Variants in LRRC45 observed in about 807,000 individuals in gnomAD.
LRRC45 encodes the protein leucine rich repeat containing 45, also known as leucine-rich repeat-containing protein 45.
Under a neutral mutation model 85.4 loss-of-function variants are expected in LRRC45, and 73 were observed. The ratio of observed to expected loss-of-function variants is 0.85; its 90% confidence interval spans 0.71 to 1.04. The LOEUF (loss-of-function observed/expected upper bound fraction) is 1.04. Among genes scored for constraint, LRRC45 ranks in the 50% least tolerant of loss-of-function variants. The pLI, the probability that LRRC45 is intolerant of heterozygous loss-of-function variation, is 0.00. For synonymous variants in LRRC45, 429 were observed against 386.0 expected (o/e 1.11, Z -1.31); for missense variants, 937 against 883.3 (o/e 1.06, Z -0.77).
Position 82,025,012 on chromosome 17 carries a change from G to A in LRRC45, c.366G>A (p.Glu122=). Residue 122 remains glutamate, a synonymous_variant, in exon 4 of 17, where the codon GAG becomes GAA. Transcript: ENST00000306688. ...QNKSIQSLTL[E]WNSLGTWDDA... is the part of the protein sequence containing the mutation. ...GCCCCTCCTGCAGCCTCACGCTGGAGTGGAACAGCCTGGGCACGTGGGACG... is the reference window on the plus strand; with the variant it reads ...GCCCCTCCTGCAGCCTCACGCTGGAATGGAACAGCCTGGGCACGTGGGACG... The A allele has an allele frequency of 6.3e-7, 1 of 1,589,334 alleles. No individual in the cohort carries two copies. The highest frequency in any genetic ancestry group is 8.6e-7 in the Non-Finnish European group (1 of 1,167,344).
Position 82,028,417 on chromosome 17 carries a change from G to A in LRRC45, c.1146G>A (p.Lys382=), listed in dbSNP as rs1460083827. The part of the protein sequence containing the change: ...LQNQVDELER[K]FRCQQEQLFQ... Reference sequence around the variant, plus strand: ...TTCAGGTAGACGAGTTGGAGCGGAAGTTCAGGTGTCAGCAGGAGCAGCTGT... The same window carrying A: ...TTCAGGTAGACGAGTTGGAGCGGAAATTCAGGTGTCAGCAGGAGCAGCTGT... The change falls in exon 11 of 17, where the codon AAG becomes AAA. Residue 382 remains lysine (K), a synonymous_variant. Coordinates refer to ENST00000306688, the MANE Select transcript of LRRC45 (RefSeq NM_144999.4). The A allele has an allele frequency of 6.2e-7, 1 of 1,612,768 alleles. No homozygotes were observed. The highest frequency in any genetic ancestry group is 1.7e-5 in the Admixed American group (1 of 60,012).
Position 82,025,051 on chromosome 17 carries a change from C to A in LRRC45, c.405C>A (p.Thr135=). 1 of 1,608,154 alleles carries A rather than the reference C, an allele frequency of 6.2e-7. No homozygotes were observed. Among genetic ancestry groups the A allele is most frequent in the East Asian group, 2.2e-5 (1 of 44,690 alleles). The change falls in exon 4 of 17, where the codon ACC becomes ACA. Residue 135 remains threonine (T), a synonymous_variant. Transcript: ENST00000306688. ...GCACGTGGGACGATGCCTTCGCCAC[C>A]TTCTGCGGGGGCCTGGCGGCCAACG... is the stretch of plus-strand genomic sequence containing the variant. The part of the protein sequence containing the change: ...SLGTWDDAFA[T]FCGGLAANGA...
chr17:82,030,281 C>A, intron 15 of LRRC45, 38 bp from the exon 16 acceptor site: 1 of 1,541,272 alleles, frequency 6.5e-7, no homozygotes. Flanking sequence ...TGCTAGCCCC[C>A]AACCCTCGCC....
intron 8 of LRRC45, 57 bp from the exon 9 acceptor site, chr17:82,027,954 T>C: frequency 1.3e-6 from 2 of 1,553,278 alleles, no homozygotes; most frequent in Non-Finnish European, 8.7e-7. Flanking sequence ...CAGCGAGGCC[T>C]TTATAAGGCA....
chr17:82,025,383 G>A lies in LRRC45; in HGVS notation c.537G>A (p.Leu179=). 6.3e-7 allele frequency: 1 copy of A among 1,582,668 alleles called. No homozygotes were observed. Among genetic ancestry groups the A allele is most frequent in the Non-Finnish European group, 8.6e-7 (1 of 1,163,314 alleles). The change falls in exon 5 of 17, where the codon CTG becomes CTA. Residue 179 remains leucine, a synonymous_variant. Coordinates refer to ENST00000306688, the MANE Select transcript of LRRC45 (RefSeq NM_144999.4). The part of the protein sequence containing the change: ...KGNTTLQQLD[L]RWNNVGLLGG... ...TGACTACAGGTTTCCTTCCAGACCT[G>A]CGCTGGAATAACGTTGGCCTCCTGG... is the stretch of plus-strand genomic sequence containing the variant.
chr17:82,026,035 G>C (rs773661026), intron 5 of LRRC45, among the ~76,000 whole-genome samples: 1 of 152,132 alleles, frequency 6.6e-6, no homozygotes, highest in Non-Finnish European at 1.5e-5. Context: ...CAGGCCCCCC[G>C]TACTCCCTAA....
chr17:82,027,947 C>G, intron 8 of LRRC45, 64 bp from the exon 9 acceptor site: 16 of 1,546,476 alleles, frequency 1.0e-5, no homozygotes, highest in Admixed American at 1.9e-5. Context: ...GTGAAAGCAG[C>G]GAGGCCTTTA....
At position 82,029,597 on chromosome 17, in the gene LRRC45, G is replaced by A. The variant is rs1350622675; in HGVS notation, c.1456G>A (p.Glu486Lys). Residue 486 changes from glutamate to lysine, a missense_variant, in exon 14 of 17, where the codon GAG becomes AAG. Transcript: ENST00000306688. Reference sequence around the variant, plus strand: ...CAGCGAGCGTGGCCAGGCTGAGGAGGAGCTGATCAAGGCCAAGAGCCAGGC... The same window carrying A: ...CAGCGAGCGTGGCCAGGCTGAGGAGAAGCTGATCAAGGCCAAGAGCCAGGC... The part of the protein sequence containing the change: ...ALSERGQAEE[E>K]LIKAKSQARL... 1.3e-6 allele frequency: 2 copies of A among 1,581,170 alleles called. No homozygotes were observed. Among genetic ancestry groups the A allele is most frequent in the Admixed American group, 1.8e-5 (1 of 55,872 alleles).
At position 82,029,191 on chromosome 17, in the gene LRRC45, T is replaced by C; in HGVS notation, c.1401+6T>C. ...CGCGGCTGTCCCTGGAGGAGGTGAG[T>C]GCCCACCAGGCAGGGCCAAGCTCTG... On this transcript the variant is annotated splice_donor_region_variant and intron_variant, in intron 13 of 16. Transcript: ENST00000306688. 1.9e-6 allele frequency: 3 copies of C among 1,607,800 alleles called. No homozygotes were observed. Among genetic ancestry groups the C allele is most frequent in the Non-Finnish European group, 2.5e-6 (3 of 1,178,534 alleles).
In LRRC45 at chr17:82,025,198, C is replaced by T; in HGVS notation, c.532+20C>T. The T allele has an allele frequency of 6.4e-7, 1 of 1,568,916 alleles. No homozygotes were observed. ...AGCTGGGTGAGGCCTCCCAGGCGCC[C>T]TCAGGCTCCCTCATCCCTCTGAGGC... On this transcript the variant is annotated intron_variant, in intron 4 of 16. Transcript: ENST00000306688.
chr17:82,030,504 G>A (rs2043409442), intron 16 of LRRC45, 38 bp downstream of exon 16: 4 of 1,529,554 alleles, frequency 2.6e-6, no homozygotes, highest in Non-Finnish European at 3.5e-6. Flanking sequence ...CCCACTGGTG[G>A]GACGTGAGGC....
At chr17:82,029,747 A>G in intron 14 of LRRC45, 112 bp downstream of exon 14, 1 of 1,047,596 alleles carries the variant, frequency 9.5e-7, no homozygotes, top group South Asian at 1.5e-5. Flanking sequence ...TGTGGTGTTG[A>G]GGTCAGATGA....
At chr17:82,026,107 C>G (rs1371211549) in intron 5 of LRRC45, among the ~76,000 whole-genome samples, 1 of 152,220 alleles carries the variant, frequency 6.6e-6, no homozygotes, top group African/African-American at 2.4e-5. Flanking sequence ...CCTGCTGGTT[C>G]TGCCTGGCCT....
chr17:82,023,534 C>T lies in LRRC45; in HGVS notation c.-110C>T, dbSNP rs2043332927. The T allele has an allele frequency of 1.0e-6, 1 of 973,968 alleles. No homozygotes were observed. The highest frequency in any genetic ancestry group is 2.8e-5 in the East Asian group (1 of 35,128). 60.3% of individuals were successfully genotyped at this position (973,968 alleles called of 1,614,324 possible). A position where few individuals can be genotyped will look rare whatever the true frequency, so the allele number is the denominator to read the frequency against. ...CACTCGGATTGCTCTCCGCCCGGGTCGGCGGAGGCCCCGTCTCCTGTACCC... is the reference window on the plus strand; with the variant it reads ...CACTCGGATTGCTCTCCGCCCGGGTTGGCGGAGGCCCCGTCTCCTGTACCC... On this transcript the variant is annotated 5_prime_UTR_variant, in exon 1 of 17. Transcript: ENST00000306688.
Position 82,025,962 on chromosome 17 carries a change from A to C in LRRC45, c.661+455A>C, listed in dbSNP as rs1018831434. Among the ~76,000 whole-genome samples the C allele has an allele frequency of 2.0e-5, 3 of 152,118 alleles. No homozygotes were observed. The South Asian group carries it at 6.2e-4, about 32-fold the overall frequency. ...ACATTCCCTCCCACCAGCGACCCCG[A>C]ATCCTTGCAGCTGATGTCTCAGCCT... On this transcript the variant is annotated intron_variant, in intron 5 of 16. Transcript: ENST00000306688.
At position 82,025,145 on chromosome 17, in the gene LRRC45, G is replaced by T. The variant is rs1466754541; in HGVS notation, c.499G>T (p.Ala167Ser). 5.6e-6 allele frequency: 9 copies of T among 1,606,692 alleles called. No homozygotes were observed. Among genetic ancestry groups the T allele is most frequent in the Non-Finnish European group, 7.7e-6 (9 of 1,176,308 alleles). Residue 167 changes from alanine (A) to serine (S), a missense_variant, in exon 4 of 17, where the codon GCC becomes TCC. Ala to Ser is a moderately conservative substitution (Grantham distance 99). Coordinates refer to ENST00000306688, the MANE Select transcript of LRRC45 (RefSeq NM_144999.4). The stretch of plus-strand genomic sequence containing the variant: ...CAAGGGCGCGGAGGAGCTGGCCCTA[G>T]CCCTGAAGGGCAACACCACCCTCCA... The part of the protein sequence containing the change: ...SHKGAEELAL[A>S]LKGNTTLQQL...
Position 82,023,625 on chromosome 17 carries a change from C to G in LRRC45, c.-19C>G. 1 of 1,512,742 alleles carries G rather than the reference C, an allele frequency of 6.6e-7. No individual in the cohort carries two copies. Among genetic ancestry groups the G allele is most frequent in the South Asian group, 1.2e-5 (1 of 81,582 alleles). 93.7% of individuals were successfully genotyped at this position (1,512,742 alleles called of 1,614,324 possible). Reference sequence around the variant, plus strand: ...AGCTGCGGGAGCATGCGGAGGAGGCCCTGCCGGCCCCGCGGGTCATGGAGG... The same window carrying G: ...AGCTGCGGGAGCATGCGGAGGAGGCGCTGCCGGCCCCGCGGGTCATGGAGG... On this transcript the variant is annotated 5_prime_UTR_variant, in exon 1 of 17. Coordinates refer to ENST00000306688, the MANE Select transcript of LRRC45 (RefSeq NM_144999.4).
At position 82,030,613 on chromosome 17, in the gene LRRC45, G is replaced by T; in HGVS notation, c.1821G>T (p.Met607Ile). ...ACTGCGCTCCTTGCCCTGCAGTGAT[G>T]GCGAGCGACCACCGAGAGGCGCTGC... is the stretch of plus-strand genomic sequence containing the variant. Reference protein sequence around the residue: ...AAALERQLKVMASDHREALLD... With the variant: ...AAALERQLKVIASDHREALLD... Residue 607 changes from methionine to isoleucine, a missense_variant, in exon 17 of 17, where the codon ATG (methionine) becomes ATT (isoleucine). Met to Ile is a conservative substitution (Grantham distance 10, BLOSUM62 1). Transcript: ENST00000306688. 1 of 1,186,960 alleles carries T rather than the reference G, an allele frequency of 8.4e-7. No individual in the cohort carries two copies. The highest frequency in any genetic ancestry group is 3.0e-5 in the South Asian group (1 of 33,292). 73.5% of individuals were successfully genotyped at this position (1,186,960 alleles called of 1,614,324 possible).
intron 1 of LRRC45, 119 bp from the exon 2 acceptor site, chr17:82,024,159 C>T: frequency 3.3e-6 from 4 of 1,218,030 alleles, no homozygotes; most frequent in Non-Finnish European, 4.6e-6. Flanking sequence ...CAGCGCCAAC[C>T]CAGACCATCG....
Sources: allele counts gnomAD v4.1 joint callset (sites outside exome capture counted in the v4.1 genomes callset), GRCh38; gene constraint gnomAD v4.1.1; transcripts MANE v1.5; gene names NCBI Gene and HGNC (gene_info 2026-07-23, HGNC 2026-07-21).